The following MYO3B variants were observed in gnomAD, a reference collection of about 807,000 sequenced individuals.
The protein encoded by MYO3B is myosin-IIIb.
A neutral mutation model predicts 174.6 loss-of-function variants in MYO3B; 156 were observed. That is an observed-to-expected ratio of 0.89 (90% CI 0.78 to 1.02). MYO3B has a LOEUF of 1.02. Ranked by LOEUF, MYO3B falls within the 50% of genes least tolerant of loss-of-function variation. The probability of loss-of-function intolerance (pLI) is 0.00; values close to 1 mark genes in which losing one functional copy is unlikely to be tolerated. For missense variants in MYO3B, 1,632 were observed against 1,639.4 expected (o/e 1.00, Z 0.08); for synonymous variants, 563 against 569.1 (o/e 0.99, Z 0.15).
chr2:170,511,973 G>T (rs1467369754), intron 28 of MYO3B, among the ~76,000 whole-genome samples: 3 of 152,140 alleles, frequency 2.0e-5, no homozygotes, highest in Non-Finnish European at 4.4e-5. Context: ...AGAAGGAAGG[G>T]GAATTCCCCA....
At chr2:170,616,572 C>T (rs1385567351) in intron 32 of MYO3B, among the ~76,000 whole-genome samples, 5 of 152,204 alleles carry the variant, frequency 3.3e-5, no homozygotes, top group Non-Finnish European at 5.9e-5. Context: ...CCCCTTCTCT[C>T]TGATTTAAAT....
chr2:170,462,747 G>T (rs1684371682), intron 23 of MYO3B, among the ~76,000 whole-genome samples: 2 of 152,264 alleles, frequency 1.3e-5, no homozygotes, highest in Non-Finnish European at 2.9e-5. Context: ...GCTGCTTGCA[G>T]TCAGCCCCTA....
Position 170,198,905 on chromosome 2 carries a change from C to T in MYO3B, c.3-303C>T, listed in dbSNP as rs572615769. ...TTCAGCAGCCTATCAAGACAACTGT[C>T]CAATCATGACCAGAACATCCTCTTT... is the stretch of plus-strand genomic sequence containing the variant. On this transcript the variant is annotated intron_variant, in intron 1 of 34. Transcript: ENST00000408978. Among the ~76,000 whole-genome samples the T allele has an allele frequency of 5.9e-5, 9 of 152,236 alleles. No individual in the cohort carries two copies. In the East Asian group the frequency reaches 1.5e-3, roughly 26 times the overall value.
chr2:170,202,549 G>T (rs1024237073), intron 3 of MYO3B, among the ~76,000 whole-genome samples: 2 of 152,192 alleles, frequency 1.3e-5, no homozygotes, highest in South Asian at 2.1e-4. Context: ...CACATAATTG[G>T]TTGTATGGCA....
chr2:170,413,661 A>T lies in MYO3B; in HGVS notation c.2650+5817A>T, dbSNP rs183889773. Among the ~76,000 whole-genome samples the T allele has an allele frequency of 9.2e-4, 139 of 151,394 alleles. No individual in the cohort carries two copies. The Middle Eastern group carries it at 0.02, about 22-fold the overall frequency. ...TTAGATTTAGGATCCAGTTTGAGTA[A>T]ATTTCTGTATAAAATGTAAGGTTAA... On this transcript the variant is annotated intron_variant, in intron 22 of 34. Coordinates refer to ENST00000408978, the MANE Select transcript of MYO3B (RefSeq NM_138995.5).
At chr2:170,556,501 G>C (rs1334576915) in intron 32 of MYO3B, among the ~76,000 whole-genome samples, 1 of 151,778 alleles carries the variant, frequency 6.6e-6, no homozygotes, top group Non-Finnish European at 1.5e-5. Context: ...TCAGCCTTTG[G>C]GGTCGTCAGT....
chr2:170,496,044 G>T (rs530798423), intron 25 of MYO3B, among the ~76,000 whole-genome samples: 2 of 152,322 alleles, frequency 1.3e-5, no homozygotes, highest in South Asian at 4.1e-4. Flanking sequence ...AGCTCCGGAA[G>T]ATATCTGCTA....
At chr2:170,368,617 T>G (rs914804314) in intron 8 of MYO3B, among the ~76,000 whole-genome samples, 4 of 152,236 alleles carry the variant, frequency 2.6e-5, no homozygotes, top group African/African-American at 9.6e-5. Context: ...TTGTTCCCTG[T>G]TTGTATAATT....
intron 25 of MYO3B, among the ~76,000 whole-genome samples, chr2:170,474,587 AT>A (rs1451406492): frequency 6.6e-6 from 1 of 151,004 alleles, no homozygotes; most frequent in Non-Finnish European, 1.5e-5. Flanking sequence ...AAAAAAAAAA[AT>A]AATAATAAGC....
At chr2:170,536,229 AGCATAAGT>A (rs1689674180) in intron 30 of MYO3B, among the ~76,000 whole-genome samples, 1 of 152,268 alleles carries the variant, frequency 6.6e-6, no homozygotes, top group Non-Finnish European at 1.5e-5. Flanking sequence ...TTGAGAAATT[AGCATAAGT>A]GCATAAATCT....
Position 170,588,633 on chromosome 2 carries a change from T to G in MYO3B, c.3733+44645T>G, listed in dbSNP as rs1693638866. On this transcript the variant is annotated intron_variant, in intron 32 of 34. Coordinates refer to ENST00000408978, the MANE Select transcript of MYO3B (RefSeq NM_138995.5). ...ACAGTCTTCTTTTATTGACGATCTT[T>G]ATCCCAACATCAAAGTGGCATTTCT... 2.0e-5 allele frequency among the ~76,000 whole-genome samples: 3 copies of G among 152,344 alleles called. No individual in the cohort carries two copies. The South Asian group carries it at 6.2e-4, about 32-fold the overall frequency.
At position 170,429,583 on chromosome 2, in the gene MYO3B, A is replaced by G. The variant is rs373937284; in HGVS notation, c.2651-14384A>G. On this transcript the variant is annotated intron_variant, in intron 22 of 34. Coordinates refer to ENST00000408978, the MANE Select transcript of MYO3B (RefSeq NM_138995.5). ...GTAAAATAATAAATGTTTTAATGCT[A>G]TTATTAAATGTCTAATTTTAAAATA... is the stretch of plus-strand genomic sequence containing the variant. Among the ~76,000 whole-genome samples, 6 of 152,270 alleles carry G rather than the reference A, an allele frequency of 3.9e-5. 1 individual carries two copies. The East Asian group carries it at 1.2e-3, about 29-fold the overall frequency.
chr2:170,422,977 CTTTTTTTTT>C (rs34882424), intron 22 of MYO3B, among the ~76,000 whole-genome samples: 7 of 88,506 alleles, frequency 7.9e-5, no homozygotes, highest in Admixed American at 7.0e-4. Context: ...TTCTTTCTTT[CTTTTTTTTT>C]TTTTTTTTTT....
chr2:170,268,623 G>A (rs1460590626), intron 7 of MYO3B, among the ~76,000 whole-genome samples: 1 of 152,120 alleles, frequency 6.6e-6, no homozygotes, highest in African/African-American at 2.4e-5. Flanking sequence ...ACTTTAAAAT[G>A]CAAGTCATAT....
At chr2:170,450,027 A>C (rs1162695992) in intron 23 of MYO3B, among the ~76,000 whole-genome samples, 1 of 152,246 alleles carries the variant, frequency 6.6e-6, no homozygotes, top group Non-Finnish European at 1.5e-5. Flanking sequence ...CAAAAGTCTT[A>C]GGACAGCCAC....
chr2:170,403,839 G>A (rs2094494081), intron 19 of MYO3B, among the ~76,000 whole-genome samples: 1 of 152,086 alleles, frequency 6.6e-6, no homozygotes, highest in South Asian at 2.1e-4. Context: ...TTATTTCCCG[G>A]TAATCTGGAG....
chr2:170,550,325 C>T (rs536307911), intron 32 of MYO3B, among the ~76,000 whole-genome samples: 1 of 152,308 alleles, frequency 6.6e-6, no homozygotes, highest in East Asian at 1.9e-4. Context: ...TCTTTTTAGA[C>T]AAATGGCTCT....
In MYO3B at chr2:170,309,874, T is replaced by C. The variant is rs79261589; in HGVS notation, c.750-25511T>C. Among the ~76,000 whole-genome samples, 708 of 152,328 alleles carry C rather than the reference T, an allele frequency of 4.6e-3. 8 individuals carry two copies. The highest frequency in any genetic ancestry group is 0.036 in the East Asian group (187 of 5,186). ...TCTGTTTAGTTCCAAAACATTTTCATCACCCCAAAAGGAAACAGTGTACTC... is the reference window on the plus strand; with the variant it reads ...TCTGTTTAGTTCCAAAACATTTTCACCACCCCAAAAGGAAACAGTGTACTC... On this transcript the variant is annotated intron_variant, in intron 7 of 34. Transcript: ENST00000408978.
chr2:170,328,543 A>G (rs2093886497), intron 7 of MYO3B, among the ~76,000 whole-genome samples: 1 of 152,162 alleles, frequency 6.6e-6, no homozygotes, highest in African/African-American at 2.4e-5. Context: ...AGTTTCTTGG[A>G]AGGATACTAA....
Sources: gnomAD v4.1 joint callset for allele counts (sites outside exome capture counted in the v4.1 genomes callset) on GRCh38, gnomAD v4.1.1 for gene constraint, MANE v1.5 for transcripts, NCBI Gene and HGNC (gene_info 2026-07-23, HGNC 2026-07-21) for gene names.